Variants in FOXP2 observed in about 807,000 individuals in gnomAD.
FOXP2 encodes the protein forkhead box P2.
A neutral mutation model predicts 115.8 loss-of-function variants in FOXP2; 12 were observed. The ratio of observed to expected loss-of-function variants is 0.10; its 90% CI spans 0.07 to 0.17. The LOEUF is 0.17. FOXP2 is among the 10% of genes least tolerant of loss of function. FOXP2 has a pLI of 1.00. For missense variants in FOXP2, 629 were observed against 843.5 expected (o/e 0.75, Z 3.15); for synonymous variants, 328 against 297.7 (o/e 1.10, Z -1.05).
chr7:114,218,549 T>C (rs1363970403), intron 1 of FOXP2, among the ~76,000 whole-genome samples: 1 of 152,152 alleles, frequency 6.6e-6, no homozygotes. Flanking sequence ...ATGTAGTACT[T>C]AAAGACAGAA....
At chr7:114,379,819 C>T (rs921293752) in intron 2 of FOXP2, among the ~76,000 whole-genome samples, 2 of 152,044 alleles carry the variant, frequency 1.3e-5, no homozygotes, top group Admixed American at 1.3e-4. Flanking sequence ...AATAATTTGG[C>T]CATCTGATGG....
At chr7:114,307,872 T>G (rs1766033233) in intron 2 of FOXP2, among the ~76,000 whole-genome samples, 1 of 152,190 alleles carries the variant, frequency 6.6e-6, no homozygotes, top group South Asian at 2.1e-4. Context: ...TGTCTGTTTT[T>G]GTAGCCTGTG....
At chr7:114,293,325 T>C (rs1796656410) in intron 2 of FOXP2, among the ~76,000 whole-genome samples, 2 of 152,158 alleles carry the variant, frequency 1.3e-5, no homozygotes, top group African/African-American at 4.8e-5. Context: ...TCTGTTTCTG[T>C]CTCTCCCATT....
chr7:114,214,904 C>T (rs1397899903), intron 1 of FOXP2, among the ~76,000 whole-genome samples: 3 of 151,974 alleles, frequency 2.0e-5, no homozygotes, highest in Admixed American at 6.6e-5. Context: ...ATAAAAAGTG[C>T]TATTTCTTTT....
intron 3 of FOXP2, among the ~76,000 whole-genome samples, chr7:114,556,228 CT>C (rs1306239271): frequency 4.6e-5 from 7 of 152,266 alleles, no homozygotes; most frequent in African/African-American, 1.7e-4. Flanking sequence ...GGGTAAGAGG[CT>C]TATAGGGACC....
chr7:114,166,177 A>T (rs1792976622), intron 1 of FOXP2, among the ~76,000 whole-genome samples: 1 of 152,174 alleles, frequency 6.6e-6, no homozygotes, highest in African/African-American at 2.4e-5. Flanking sequence ...ATAGAAGAAA[A>T]TCTAAGTACC....
intron 2 of FOXP2, among the ~76,000 whole-genome samples, chr7:114,398,023 G>A (rs1792786705): frequency 6.6e-6 from 1 of 151,950 alleles, no homozygotes; most frequent in African/African-American, 2.4e-5. Context: ...ATTCGATGGA[G>A]AGTGGCTGCA....
At chr7:114,225,216 G>A (rs1447778774) in intron 1 of FOXP2, among the ~76,000 whole-genome samples, 2 of 151,886 alleles carry the variant, frequency 1.3e-5, no homozygotes, top group Non-Finnish European at 1.5e-5. Flanking sequence ...CAATTTTATA[G>A]CATAGTGTGT....
intron 2 of FOXP2, among the ~76,000 whole-genome samples, chr7:114,325,736 G>A (rs911520928): frequency 1.3e-5 from 2 of 151,990 alleles, no homozygotes; most frequent in African/African-American, 4.8e-5. Flanking sequence ...AATATTTTCT[G>A]TATAGACCCG....
At chr7:114,118,440 G>GT (rs1488183160) in intron 1 of FOXP2, among the ~76,000 whole-genome samples, 3 of 150,352 alleles carry the variant, frequency 2.0e-5, no homozygotes, top group Non-Finnish European at 4.4e-5. Context: ...CAACCTAGAG[G>GT]TTTTTTTTGG....
Position 114,217,755 on chromosome 7 carries a change from C to T in FOXP2, c.-102+54667C>T, listed in dbSNP as rs373009526. 9.2e-5 allele frequency among the ~76,000 whole-genome samples: 14 copies of T among 152,326 alleles called. No individual in the cohort carries two copies. In the East Asian group the frequency reaches 2.7e-3, roughly 29 times the overall value. The stretch of plus-strand genomic sequence containing the variant: ...CTCCAAATCTGCTATATAACATGCT[C>T]TATCCACAGATAGTGCTTAAGTGAG... On this transcript the variant is annotated intron_variant, in intron 1 of 17. Coordinates refer to the FOXP2 transcript ENST00000634411.
At chr7:114,651,207 C>G (rs1806234015) in intron 8 of FOXP2, among the ~76,000 whole-genome samples, 1 of 151,878 alleles carries the variant, frequency 6.6e-6, no homozygotes, top group African/African-American at 2.4e-5. Context: ...TATATAAATT[C>G]TTATTTAATT....
rs139501875 is a variant in FOXP2, at chr7:114,206,298, CCT to C, written c.-102+43211_-102+43212del. Among the ~76,000 whole-genome samples the C allele has an allele frequency of 4.7e-3, 720 of 152,204 alleles. 7 individuals carry two copies. Among genetic ancestry groups the C allele is most frequent in the African/African-American group, 0.016 (647 of 41,532 alleles). On this transcript the variant is annotated intron_variant, in intron 1 of 17. Coordinates refer to the FOXP2 transcript ENST00000634411. ...ACTGTGGTCACTAGTCTCTGCTTGA[CCT>C]AACTCTTATCTATGTCTGCAACATT...
At chr7:114,182,239 A>G (rs151039797) in intron 1 of FOXP2, among the ~76,000 whole-genome samples, 1 of 152,026 alleles carries the variant, frequency 6.6e-6, no homozygotes, top group Admixed American at 6.6e-5. Context: ...TCAAACAGTA[A>G]TGTAACTGAT....
intron 2 of FOXP2, among the ~76,000 whole-genome samples, chr7:114,457,917 T>C (rs1201040321): frequency 6.6e-6 from 1 of 151,444 alleles, no homozygotes; most frequent in Non-Finnish European, 1.5e-5. Flanking sequence ...AAAAGTCTTC[T>C]CATTTTTGTA....
chr7:114,400,327 T>C (rs567408660), intron 2 of FOXP2, among the ~76,000 whole-genome samples: 12 of 152,176 alleles, frequency 7.9e-5, no homozygotes, highest in Admixed American at 7.9e-4. Context: ...TTTTAAGGAC[T>C]GAGAAGTCCC....
At chr7:114,674,948 A>G (rs1464462836) in intron 16 of FOXP2, among the ~76,000 whole-genome samples, 2 of 152,128 alleles carry the variant, frequency 1.3e-5, no homozygotes, top group Non-Finnish European at 2.9e-5. Context: ...AACTATTAAT[A>G]TGATTTCTGT....
rs377208253 is a variant in FOXP2 at position 114,629,674 on chromosome 7, A to T, written c.397-131A>T. The T allele has an allele frequency of 7.6e-5, 122 of 1,601,592 alleles. 2 individuals are homozygous for T. The highest frequency in any genetic ancestry group is 5.8e-4 in the South Asian group (53 of 90,912). On this transcript the variant is annotated intron_variant, in intron 4 of 16. Coordinates refer to ENST00000350908, the MANE Select transcript of FOXP2 (RefSeq NM_014491.4). ...AGAGCTGTCTCTTTGAATCCAATGT[A>T]TATTTTTTGTTGTTTTTATGGGATG...
rs762817913 is a variant in FOXP2 at position 114,426,594 on chromosome 7, A to C, written c.83A>C (p.Asp28Ala). 1 of 1,611,796 alleles carries C rather than the reference A, an allele frequency of 6.2e-7. No individual in the cohort carries two copies. The highest frequency in any genetic ancestry group is 1.1e-5 in the South Asian group (1 of 91,046). ...ATGAGCACTCTAAGCAGCCAATTAG[A>C]TGCTGGCAGCAGAGATGGAAGATCA... Reference protein sequence around the residue: ...NGMSTLSSQLDAGSRDGRSSG... With the variant: ...NGMSTLSSQLAAGSRDGRSSG... The change falls in exon 2 of 17, where the codon GAT (aspartate) becomes GCT (alanine). Residue 28 changes from aspartate to alanine, a missense_variant. Asp to Ala is a moderately radical substitution (Grantham distance 126). Coordinates refer to ENST00000350908, the MANE Select transcript of FOXP2 (RefSeq NM_014491.4).
Sources: gnomAD v4.1 joint callset for allele counts (sites outside exome capture counted in the v4.1 genomes callset) on GRCh38, gnomAD v4.1.1 for gene constraint, MANE v1.5 for transcripts, NCBI Gene and HGNC (gene_info 2026-07-23, HGNC 2026-07-21) for gene names.